SLC26A8: variants seen among roughly 807,000 people sequenced by gnomAD.
The protein encoded by SLC26A8 is solute carrier family 26 member 8.
A neutral mutation model predicts 105.0 loss-of-function variants in SLC26A8; 70 were observed. The ratio of observed to expected loss-of-function variants is 0.67; its 90% CI spans 0.55 to 0.81. The LOEUF (loss-of-function observed/expected upper bound fraction) is 0.81, where lower values mean the gene tolerates loss of function less well. Among genes scored for constraint, SLC26A8 ranks in the 40% least tolerant of loss-of-function variants. SLC26A8 has a pLI of 0.00. For missense variants in SLC26A8, 998 were observed against 1,181.8 expected (o/e 0.84, Z 2.28); for synonymous variants, 415 against 438.3 (o/e 0.95, Z 0.66).
At chr6:35,994,138 G>A (rs1299900700) in intron 5 of SLC26A8, among the ~76,000 whole-genome samples, 51 of 135,998 alleles carry the variant, frequency 3.8e-4, no homozygotes, top group African/African-American at 1.3e-3. Flanking sequence ...TTTTTGAGAC[G>A]GAGTCTTGCT....
intron 10 of SLC26A8, among the ~76,000 whole-genome samples, chr6:35,971,028 A>AAACAACAAC (rs368306720): frequency 7.3e-5 from 11 of 151,674 alleles, no homozygotes; most frequent in African/African-American, 2.7e-4. Context: ...CTCCATCTCA[A>AAACAACAAC]AACAACAACA....
intron 7 of SLC26A8, among the ~76,000 whole-genome samples, chr6:35,982,684 T>A (rs188089131): frequency 6.6e-6 from 1 of 152,220 alleles, no homozygotes; most frequent in East Asian, 1.9e-4. Context: ...AATATAAACA[T>A]GTTTTCAGAT....
At position 35,955,521 on chromosome 6, in the gene SLC26A8, C is replaced by A; in HGVS notation, c.1864-1G>T. 6.2e-7 allele frequency: 1 copy of A among 1,613,174 alleles called. No homozygotes were observed. Among genetic ancestry groups the A allele is most frequent in the South Asian group, 1.1e-5 (1 of 90,988 alleles). ...TTTCAAATCGCTCTGTGTAAAGAAT[C>A]TGGGACGACAGAGTTAAGGGAGGGC... On this transcript the variant is annotated splice_acceptor_variant, in intron 16 of 19. Coordinates refer to ENST00000490799, the MANE Select transcript of SLC26A8 (RefSeq NM_052961.4). LOFTEE classifies it high-confidence loss of function.
Position 35,997,838 on chromosome 6 carries a change from G to A in SLC26A8, c.527C>T (p.Ser176Phe). Residue 176 changes from serine to phenylalanine, a missense_variant, in exon 5 of 20, where the codon TCT (serine) becomes TTT (phenylalanine). Ser to Phe is a radical substitution (Grantham distance 155). Transcript: ENST00000490799. ...PFNNGQLVMG[S>F]FVKNEFSAPS... Reference sequence around the variant, plus strand: ...GGCCGAAAACTCATTCTTGACGAAAGATCCCATGACCAGTTGACCGTTGTT... The same window carrying A: ...GGCCGAAAACTCATTCTTGACGAAAAATCCCATGACCAGTTGACCGTTGTT... 1 of 1,614,136 alleles carries A rather than the reference G, an allele frequency of 6.2e-7. No homozygotes were observed. The highest frequency in any genetic ancestry group is 1.1e-5 in the South Asian group (1 of 91,078).
Position 35,943,709 on chromosome 6 carries a change from G to A in SLC26A8, c.*191C>T, listed in dbSNP as rs550939655. 4 of 727,352 alleles carry A rather than the reference G, an allele frequency of 5.5e-6. No homozygotes were observed. In the South Asian group the frequency reaches 9.1e-5, roughly 17 times the overall value. The allele number at this position is 727,352 out of a possible 1,614,324, so 45.1% of individuals were successfully genotyped here. A position where few individuals can be genotyped will look rare whatever the true frequency, so the allele number is the denominator to read the frequency against. On this transcript the variant is annotated 3_prime_UTR_variant, in exon 20 of 20. Transcript: ENST00000490799. ...GATAGGGAATTCAGAGATAATTGTT[G>A]GCATTTAGTAATGTGATTTGGGAGT...
chr6:35,994,719 G>A (rs1263753723), intron 5 of SLC26A8, among the ~76,000 whole-genome samples: 1 of 152,098 alleles, frequency 6.6e-6, no homozygotes, highest in Admixed American at 6.5e-5. Context: ...GGGATTACAG[G>A]TGCCCAGCAC....
chr6:36,020,380 G>A (rs887850070), intron 1 of SLC26A8, among the ~76,000 whole-genome samples: 5 of 152,200 alleles, frequency 3.3e-5, no homozygotes, highest in African/African-American at 1.2e-4. Flanking sequence ...ACAGTTAGTG[G>A]CCTCATGGTG....
intron 17 of SLC26A8, among the ~76,000 whole-genome samples, chr6:35,951,912 T>C (rs758417320): frequency 1.3e-5 from 2 of 152,140 alleles, no homozygotes; most frequent in African/African-American, 2.4e-5. Flanking sequence ...GGCCCTTCAC[T>C]TGTCTGGGGG....
At chr6:36,009,685 T>A (rs1761795406) in intron 3 of SLC26A8, among the ~76,000 whole-genome samples, 1 of 152,152 alleles carries the variant, frequency 6.6e-6, no homozygotes, top group East Asian at 1.9e-4. Flanking sequence ...TGCTAGGGAT[T>A]AAGAGGAGTT....
At chr6:36,016,493 T>C (rs541133588) in intron 2 of SLC26A8, among the ~76,000 whole-genome samples, 1 of 152,386 alleles carries the variant, frequency 6.6e-6, no homozygotes, top group South Asian at 2.1e-4. Context: ...CAAACATTTC[T>C]ATATTACATT....
In SLC26A8 at chr6:35,943,972, T is replaced by C. The variant is rs1771571229; in HGVS notation, c.2841A>G (p.Thr947=). 1.2e-6 allele frequency: 2 copies of C among 1,614,086 alleles called. No individual in the cohort carries two copies. The highest frequency in any genetic ancestry group is 8.5e-7 in the Non-Finnish European group (1 of 1,180,040). The stretch of plus-strand genomic sequence containing the variant: ...GATGGCGTCTCCTCTCCACTGACCA[T>C]GTCCGAGTCTGAGTCTGAGACTGGG... ...ASTQSQTQTR[T]WSVERRRHPM... The change falls in exon 20 of 20, where the codon ACA becomes ACG. Residue 947 remains threonine (T), a synonymous_variant. Coordinates refer to ENST00000490799, the MANE Select transcript of SLC26A8 (RefSeq NM_052961.4).
Position 35,975,467 on chromosome 6 carries a change from A to C in SLC26A8, c.1195T>G (p.Cys399Gly). 1 of 1,612,876 alleles carries C rather than the reference A, an allele frequency of 6.2e-7. No homozygotes were observed. The highest frequency in any genetic ancestry group is 8.5e-7 in the Non-Finnish European group (1 of 1,179,168). ...SNQDLIAIGL[C>G]NVVSSFFRSC... Reference sequence around the variant, plus strand: ...CTGAAAAATGAACTGACGACATTGCAAAGGCCGATGGCTATTAAATCCTGT... The same window carrying C: ...CTGAAAAATGAACTGACGACATTGCCAAGGCCGATGGCTATTAAATCCTGT... Residue 399 changes from cysteine (C) to glycine (G), a missense_variant, in exon 10 of 20, where the codon TGC becomes GGC. Physicochemically the swap from Cys to Gly is radical, Grantham distance 159. Transcript: ENST00000490799.
In SLC26A8 at chr6:36,016,696, G is replaced by A. The variant is rs567657690; in HGVS notation, c.188+2824C>T. ...ATTAAAAAATTATTCAACCAAGACC[G>A]TTTACTAGGTGAAGACAATCTCTTC... On this transcript the variant is annotated intron_variant, in intron 2 of 19. Coordinates refer to ENST00000490799, the MANE Select transcript of SLC26A8 (RefSeq NM_052961.4). Among the ~76,000 whole-genome samples, 216 of 152,200 alleles carry A rather than the reference G, an allele frequency of 1.4e-3. 1 individual carries two copies. The highest frequency in any genetic ancestry group is 3.4e-3 in the Middle Eastern group (1 of 294).
intron 7 of SLC26A8, among the ~76,000 whole-genome samples, chr6:35,987,954 C>G (rs986572504): frequency 2.7e-5 from 4 of 147,508 alleles, no homozygotes; most frequent in African/African-American, 1.0e-4. Flanking sequence ...CTCTGTCGTC[C>G]AGGCTGGAGG....
At chr6:35,983,554 CTTT>C (rs879555986) in intron 7 of SLC26A8, among the ~76,000 whole-genome samples, 1 of 143,666 alleles carries the variant, frequency 7.0e-6, no homozygotes. Context: ...CTTTTGCTCT[CTTT>C]TTTTTTTTTT....
chr6:36,015,898 C>T (rs114914151), intron 2 of SLC26A8, among the ~76,000 whole-genome samples: 1 of 152,020 alleles, frequency 6.6e-6, no homozygotes, highest in Non-Finnish European at 1.5e-5. Context: ...GGGTGATAAA[C>T]CAGGGGACAA....
intron 12 of SLC26A8, among the ~76,000 whole-genome samples, chr6:35,961,592 T>C (rs1772309746): frequency 6.6e-6 from 1 of 152,218 alleles, no homozygotes; most frequent in Non-Finnish European, 1.5e-5. Flanking sequence ...CACTTGTCAG[T>C]GTCTATACTC....
At chr6:36,004,425 C>G (rs975196185) in intron 3 of SLC26A8, among the ~76,000 whole-genome samples, 2 of 128,800 alleles carry the variant, frequency 1.6e-5, no homozygotes, top group Non-Finnish European at 3.5e-5. Flanking sequence ...TTCATAAAAT[C>G]TTACTATTTT....
At chr6:36,004,250 T>C (rs1761617044) in intron 3 of SLC26A8, among the ~76,000 whole-genome samples, 1 of 151,854 alleles carries the variant, frequency 6.6e-6, no homozygotes, top group South Asian at 2.1e-4. Context: ...AGATTTTTTG[T>C]AGTTTTCATA....
Sources: gnomAD v4.1 joint callset for allele counts (sites outside exome capture counted in the v4.1 genomes callset) on GRCh38, gnomAD v4.1.1 for gene constraint, MANE v1.5 for transcripts, NCBI Gene and HGNC (gene_info 2026-07-23, HGNC 2026-07-21) for gene names.